Variants in SLC2A9 observed in about 807,000 individuals in gnomAD.
The protein encoded by SLC2A9 is solute carrier family 2, facilitated glucose transporter member 9.
SLC2A9 carries 39 observed loss-of-function variants against 50.6 expected under a neutral mutation model. The observed-to-expected ratio is 0.77, with a 90% CI of 0.60 to 1.01. SLC2A9 has a LOEUF of 1.01. Ranked by LOEUF, SLC2A9 falls within the 50% of genes least tolerant of loss-of-function variation. SLC2A9 has a pLI of 0.00. For missense variants in SLC2A9, 686 were observed against 677.6 expected (o/e 1.01, Z -0.14); for synonymous variants, 324 against 276.9 (o/e 1.17, Z -1.69).
intron 3 of SLC2A9, chr4:9,782,607 T>G (rs1225867119): frequency 1.2e-6 from 2 of 1,613,858 alleles, no homozygotes; most frequent in Non-Finnish European, 1.7e-6. Context: ...GGGCTGGACC[T>G]GCCAAACAAC....
chr4:9,808,175 T>A (rs1265795904), intron 3 of SLC2A9, among the ~76,000 whole-genome samples: 1 of 152,182 alleles, frequency 6.6e-6, no homozygotes, highest in African/African-American at 2.4e-5. Context: ...TTGTGCTCAT[T>A]CTTTTTCTAG....
At chr4:9,903,090 C>T (rs75477467) in intron 8 of SLC2A9, among the ~76,000 whole-genome samples, 31 of 152,262 alleles carry the variant, frequency 2.0e-4, no homozygotes, top group African/African-American at 7.5e-4. Flanking sequence ...CAGTATGAAA[C>T]AGAGCCCAGA....
At chr4:9,778,484 T>C (rs1331682833), downstream of SLC2A9, among the ~76,000 whole-genome samples, 15 of 152,116 alleles carry the variant, frequency 9.9e-5, no homozygotes, top group East Asian at 2.7e-3. Context: ...TCCCTTTTAC[T>C]CTCCTATCCA....
At chr4:10,016,264 G>A (rs1762592273) in intron 2 of SLC2A9, among the ~76,000 whole-genome samples, 1 of 152,220 alleles carries the variant, frequency 6.6e-6, no homozygotes, top group South Asian at 2.1e-4. Context: ...TGTGTCTGAT[G>A]CCTGGGAAAC....
chr4:9,859,063 G>A (rs1731189804), intron 10 of SLC2A9, among the ~76,000 whole-genome samples: 1 of 152,196 alleles, frequency 6.6e-6, no homozygotes, highest in Admixed American at 6.5e-5. Flanking sequence ...TGACTGAAGG[G>A]TGCACTGTCG....
chr4:9,783,479 C>T (rs1426208626), intron 3 of SLC2A9: 1 of 1,582,638 alleles, frequency 6.3e-7, no homozygotes, highest in South Asian at 1.2e-5. Context: ...ATTAAGAAAC[C>T]CCCTCATGGA....
At chr4:10,003,075 C>A (rs1760133584) in intron 2 of SLC2A9, among the ~76,000 whole-genome samples, 1 of 152,166 alleles carries the variant, frequency 6.6e-6, no homozygotes, top group Non-Finnish European at 1.5e-5. Context: ...AGAGTAAAGA[C>A]CCTTCAGAGA....
intron 3 of SLC2A9, among the ~76,000 whole-genome samples, chr4:9,990,918 A>T (rs1757603587): frequency 6.6e-6 from 1 of 152,144 alleles, no homozygotes; most frequent in Non-Finnish European, 1.5e-5. Context: ...CTGGCTGGTT[A>T]TCTCCCTATC....
chr4:9,940,348 C>A (rs774463795), intron 6 of SLC2A9, among the ~76,000 whole-genome samples: 2 of 152,214 alleles, frequency 1.3e-5, no homozygotes, highest in Non-Finnish European at 2.9e-5. Flanking sequence ...GCCACTACTT[C>A]CGTTTCCTGG....
intron 2 of SLC2A9, among the ~76,000 whole-genome samples, chr4:10,018,546 TGATAGATAGATAGATAGATA>T (rs749714539): frequency 2.1e-5 from 3 of 145,332 alleles, no homozygotes; most frequent in Non-Finnish European, 4.5e-5. Flanking sequence ...ATCTCAAAGA[TGATAGATAGATAGATAGATA>T]GATAGATAGA....
intron 3 of SLC2A9, chr4:9,783,167 TC>T: frequency 6.2e-7 from 1 of 1,614,154 alleles, no homozygotes; most frequent in Admixed American, 1.7e-5. Context: ...CCACTTCTGC[TC>T]CCGCACGCCG....
chr4:10,012,644 G>A (rs928545687), intron 2 of SLC2A9, among the ~76,000 whole-genome samples: 9 of 152,172 alleles, frequency 5.9e-5, no homozygotes, highest in East Asian at 3.8e-4. Context: ...AGGAGGGGAC[G>A]TCTGAGCAGA....
upstream of SLC2A9, among the ~76,000 whole-genome samples, chr4:10,024,603 C>T (rs1763693092): frequency 6.6e-6 from 1 of 152,182 alleles, no homozygotes; most frequent in African/African-American, 2.4e-5. Flanking sequence ...GTTGTTTAAG[C>T]TGCCCAGTCT....
At chr4:10,033,403 C>T (rs1763999886) in intron 1 of SLC2A9, among the ~76,000 whole-genome samples, 1 of 152,192 alleles carries the variant, frequency 6.6e-6, no homozygotes, top group Admixed American at 6.5e-5. Flanking sequence ...CTCTTCCCCC[C>T]GGCTCTGCTT....
chr4:9,954,625 G>A (rs778790001), intron 5 of SLC2A9, among the ~76,000 whole-genome samples: 88 of 152,254 alleles, frequency 5.8e-4, no homozygotes, highest in Middle Eastern at 3.4e-3. Context: ...GGTGTCTACA[G>A]ACTCTACAGA....
intron 5 of SLC2A9, among the ~76,000 whole-genome samples, chr4:9,958,402 A>G (rs989932419): frequency 4.6e-5 from 7 of 152,370 alleles, no homozygotes; most frequent in South Asian, 2.1e-4. Flanking sequence ...ACAGAAAACC[A>G]AACACCGCAT....
chr4:9,971,632 T>C (rs4583762), intron 5 of SLC2A9, among the ~76,000 whole-genome samples: 2,242 of 152,196 alleles, frequency 0.015, 68 homozygotes, highest in African/African-American at 0.05. Context: ...CTAGGGATAA[T>C]CAAAACCTAA....
intron 1 of SLC2A9, among the ~76,000 whole-genome samples, chr4:10,030,768 T>C (rs1238587954): frequency 6.6e-6 from 1 of 152,126 alleles, no homozygotes; most frequent in Non-Finnish European, 1.5e-5. Context: ...GGTCCAAATC[T>C]AGGAAATGAC....
intron 3 of SLC2A9, among the ~76,000 whole-genome samples, chr4:9,809,387 A>C (rs1402871789): frequency 6.6e-6 from 1 of 152,192 alleles, no homozygotes; most frequent in African/African-American, 2.4e-5. Flanking sequence ...TGGAGCGAAC[A>C]GGGTTGGGCA....
Sources: allele counts gnomAD v4.1 joint callset (sites outside exome capture counted in the v4.1 genomes callset), GRCh38; gene constraint gnomAD v4.1.1; transcripts MANE v1.5; gene names NCBI Gene and HGNC (gene_info 2026-07-23, HGNC 2026-07-21).